GRM8: variants seen among roughly 807,000 people sequenced by gnomAD.
The protein encoded by GRM8 is glutamate metabotropic receptor 8.
A neutral mutation model predicts 87.2 loss-of-function variants in GRM8; 47 were observed. The ratio of observed to expected loss-of-function variants is 0.54; its 90% CI spans 0.43 to 0.69. GRM8 has a LOEUF of 0.69. GRM8 is among the 30% of genes least tolerant of loss of function. The pLI is 0.00. For missense variants in GRM8, 1,019 were observed against 1,139.2 expected (o/e 0.89, Z 1.52); for synonymous variants, 396 against 404.5 (o/e 0.98, Z 0.25).
At chr7:126,505,301 G>A (rs977116557) in intron 9 of GRM8, among the ~76,000 whole-genome samples, 1 of 152,060 alleles carries the variant, frequency 6.6e-6, no homozygotes, top group African/African-American at 2.4e-5. Flanking sequence ...ATGGCCCCAA[G>A]TTAATACCTT....
intron 7 of GRM8, among the ~76,000 whole-genome samples, chr7:126,634,135 A>G (rs1226138711): frequency 1.3e-5 from 2 of 152,192 alleles, no homozygotes; most frequent in African/African-American, 4.8e-5. Flanking sequence ...GAAATATCCT[A>G]TTGCCATTTT....
intron 9 of GRM8, among the ~76,000 whole-genome samples, chr7:126,466,222 A>C (rs116321924): frequency 6.6e-6 from 1 of 151,904 alleles, no homozygotes; most frequent in East Asian, 1.9e-4. Flanking sequence ...TCCATTATAA[A>C]GAGGGTATTT....
At chr7:126,711,018 G>C (rs1322651239) in intron 7 of GRM8, among the ~76,000 whole-genome samples, 1 of 151,938 alleles carries the variant, frequency 6.6e-6, no homozygotes, top group Non-Finnish European at 1.5e-5. Context: ...ACTAAAAATA[G>C]AAAAAAATTA....
At chr7:126,538,734 A>C (rs1202966145) in intron 8 of GRM8, among the ~76,000 whole-genome samples, 2 of 152,096 alleles carry the variant, frequency 1.3e-5, no homozygotes, top group Non-Finnish European at 2.9e-5. Flanking sequence ...TTACTTCCAG[A>C]GACACTAATG....
chr7:126,663,686 T>C (rs1344355542), intron 7 of GRM8, among the ~76,000 whole-genome samples: 1 of 152,126 alleles, frequency 6.6e-6, no homozygotes, highest in African/African-American at 2.4e-5. Context: ...GCCAACATCA[T>C]ACTGAACAGG....
At chr7:127,013,953 T>G (rs1462003543) in intron 3 of GRM8, among the ~76,000 whole-genome samples, 1 of 152,136 alleles carries the variant, frequency 6.6e-6, no homozygotes. Context: ...TAAGACAAAG[T>G]GCATCAGCCC....
At chr7:126,796,960 C>T (rs1278356435) in intron 6 of GRM8, among the ~76,000 whole-genome samples, 1 of 152,010 alleles carries the variant, frequency 6.6e-6, no homozygotes, top group African/African-American at 2.4e-5. Context: ...TAAATATACA[C>T]GATGCCCAGT....
At chr7:126,471,579 CT>C (rs1805240435) in intron 9 of GRM8, among the ~76,000 whole-genome samples, 1 of 151,774 alleles carries the variant, frequency 6.6e-6, no homozygotes, top group African/African-American at 2.4e-5. Context: ...TACCATGCTT[CT>C]TTGGTTACTG....
intron 7 of GRM8, among the ~76,000 whole-genome samples, chr7:126,635,255 G>A (rs1801735383): frequency 6.6e-6 from 1 of 151,826 alleles, no homozygotes; most frequent in Admixed American, 6.6e-5. Context: ...AAATAAACAA[G>A]TTGACATTTC....
At chr7:126,868,284 G>C (rs1798782651) in intron 6 of GRM8, among the ~76,000 whole-genome samples, 1 of 152,260 alleles carries the variant, frequency 6.6e-6, no homozygotes, top group Non-Finnish European at 1.5e-5. Flanking sequence ...ATCAGGAGTT[G>C]AAAGAGTGGG....
At chr7:126,648,553 G>C (rs1803434483) in intron 7 of GRM8, among the ~76,000 whole-genome samples, 1 of 152,192 alleles carries the variant, frequency 6.6e-6, no homozygotes. Flanking sequence ...CTAAAGAGAA[G>C]GGTAAGAACA....
Position 126,864,263 on chromosome 7 carries a change from A to G in GRM8, c.1156+38279T>C, listed in dbSNP as rs954962902. Among the ~76,000 whole-genome samples, 3 of 152,072 alleles carry G rather than the reference A, an allele frequency of 2.0e-5. No individual in the cohort carries two copies. In the East Asian group the frequency reaches 5.8e-4, roughly 29 times the overall value. Reference sequence around the variant, plus strand: ...TCTAAGTGGGCCTGGTTGTTCCTTCAGTCTGGGAATTCACTTCTCTACTAC... The same window carrying G: ...TCTAAGTGGGCCTGGTTGTTCCTTCGGTCTGGGAATTCACTTCTCTACTAC... On this transcript the variant is annotated intron_variant, in intron 6 of 10. Transcript: ENST00000339582.
At chr7:126,825,783 A>G (rs1432541063) in intron 6 of GRM8, among the ~76,000 whole-genome samples, 3 of 152,008 alleles carry the variant, frequency 2.0e-5, no homozygotes, top group Non-Finnish European at 2.9e-5. Context: ...GGTTAGTTAC[A>G]TATGTATACA....
intron 7 of GRM8, among the ~76,000 whole-genome samples, chr7:126,647,246 T>C (rs1803216224): frequency 6.6e-6 from 1 of 151,886 alleles, no homozygotes; most frequent in South Asian, 2.1e-4. Context: ...TATAAGCACA[T>C]TTATTGTGAA....
Position 126,971,176 on chromosome 7 carries a change from A to C in GRM8, c.728-66493T>G, listed in dbSNP as rs912066613. ...AATTTGTAAAAAAAAAAAAAAAAAA[A>C]AAAAAAAACACTATCTGTAAAGTAC... On this transcript the variant is annotated intron_variant, in intron 3 of 10. Coordinates refer to ENST00000339582, the MANE Select transcript of GRM8 (RefSeq NM_000845.3). Among the ~76,000 whole-genome samples the C allele has an allele frequency of 1.7e-3, 253 of 150,676 alleles. 2 individuals carry two copies. Among genetic ancestry groups the C allele is most frequent in the African/African-American group, 5.9e-3 (243 of 41,308 alleles).
chr7:127,193,520 G>A (rs1329298409), intron 2 of GRM8, among the ~76,000 whole-genome samples: 2 of 152,188 alleles, frequency 1.3e-5, no homozygotes, highest in Non-Finnish European at 2.9e-5. Flanking sequence ...GCAAATGTGA[G>A]GTCGGTTAAT....
At chr7:127,159,543 CAATAAA>C (rs879406930) in intron 2 of GRM8, among the ~76,000 whole-genome samples, 507 of 150,714 alleles carry the variant, frequency 3.4e-3, no homozygotes, top group Non-Finnish European at 5.6e-3. Context: ...AAATACATGG[CAATAAA>C]AAGCCATGTA....
At chr7:127,021,295 G>C (rs2096712451) in intron 3 of GRM8, among the ~76,000 whole-genome samples, 1 of 140,104 alleles carries the variant, frequency 7.1e-6, no homozygotes, top group African/African-American at 2.7e-5. Flanking sequence ...CACCTCCCCA[G>C]CTGCTTCCTT....
chr7:126,773,873 T>C (rs1453932527), intron 6 of GRM8, among the ~76,000 whole-genome samples: 1 of 152,044 alleles, frequency 6.6e-6, no homozygotes, highest in African/African-American at 2.4e-5. Flanking sequence ...ATCCAATAGG[T>C]CTAAATGAAC....
Sources: allele counts gnomAD v4.1 joint callset (sites outside exome capture counted in the v4.1 genomes callset), GRCh38; gene constraint gnomAD v4.1.1; transcripts MANE v1.5; gene names NCBI Gene and HGNC (gene_info 2026-07-23, HGNC 2026-07-21).